TMEM79: variants seen among roughly 807,000 people sequenced by gnomAD.
The protein encoded by TMEM79 is transmembrane protein 79.
TMEM79 carries 30 observed loss-of-function variants against 31.2 expected under a neutral mutation model. That is an observed-to-expected ratio of 0.96 (90% CI 0.72 to 1.30). The LOEUF (loss-of-function observed/expected upper bound fraction) is 1.30, where lower values mean the gene tolerates loss of function less well. TMEM79 is among the 50% of genes most tolerant of loss of function. TMEM79 has a pLI of 0.00. For synonymous variants in TMEM79, 213 were observed against 229.5 expected (o/e 0.93, Z 0.65); for missense variants, 509 against 528.2 (o/e 0.96, Z 0.36).
Position 156,292,120 on chromosome 1 carries a change from T to G in TMEM79, c.*522T>G, listed in dbSNP as rs543272179. On this transcript the variant is annotated 3_prime_UTR_variant, in exon 4 of 4. Transcript: ENST00000405535. Reference sequence around the variant, plus strand: ...GGACTGTGGTGTTTGGTGAAAACCTTCCTGAGGATCTGGATTCAGGACCCT... The same window carrying G: ...GGACTGTGGTGTTTGGTGAAAACCTGCCTGAGGATCTGGATTCAGGACCCT... The G allele has an allele frequency of 1.1e-5, 2 of 188,938 alleles. No homozygotes were observed. The highest frequency in any genetic ancestry group is 2.2e-5 in the Non-Finnish European group (2 of 90,294). The allele number at this position is 188,938 out of a possible 1,614,324, so 11.7% of individuals were successfully genotyped here. A position where few individuals can be genotyped will look rare whatever the true frequency, so the allele number is the denominator to read the frequency against.
intron 3 of TMEM79, among the ~76,000 whole-genome samples, chr1:156,287,155 G>A (rs1295674369): frequency 1.3e-5 from 2 of 151,932 alleles, no homozygotes; most frequent in East Asian, 1.9e-4. Flanking sequence ...AGTGGCTCAC[G>A]CCTGTAATCC....
chr1:156,290,466 G>A (rs531814469), intron 3 of TMEM79: 1 of 151,006 alleles, frequency 6.6e-6, no homozygotes, highest in Non-Finnish European at 1.5e-5. Context: ...GTGGTGGGAG[G>A]ACTGCCTGAG....
At position 156,285,849 on chromosome 1, in the gene TMEM79, T is replaced by A; in HGVS notation, c.623T>A (p.Leu208His). 2 of 1,613,682 alleles carry A rather than the reference T, an allele frequency of 1.2e-6. No individual in the cohort carries two copies. Among genetic ancestry groups the A allele is most frequent in the Non-Finnish European group, 1.7e-6 (2 of 1,180,010 alleles). ...LRAVASVGAA[L>H]ILFPCLLYGA... ...GCTGTGGCCTCCGTGGGAGCCGCACTCATTCTCTTCCCTTGCCTACTATAC... is the reference window on the plus strand; with the variant it reads ...GCTGTGGCCTCCGTGGGAGCCGCACACATTCTCTTCCCTTGCCTACTATAC... The change falls in exon 2 of 4, where the codon CTC becomes CAC. Residue 208 changes from leucine to histidine, a missense_variant. By Grantham distance (99) the Leu-to-His change is moderately conservative (BLOSUM62 -3). Coordinates refer to ENST00000405535, the MANE Select transcript of TMEM79 (RefSeq NM_032323.3).
Position 156,285,252 on chromosome 1 carries a change from T to C in TMEM79, c.26T>C (p.Leu9Pro), listed in dbSNP as rs779757060. Reference sequence around the variant, plus strand: ...ATGACAGAACAGGAGACCCTGGCCCTACTGGAAGTGAAGAGGTCTGATTCC... The same window carrying C: ...ATGACAGAACAGGAGACCCTGGCCCCACTGGAAGTGAAGAGGTCTGATTCC... MTEQETLA[L>P]LEVKRSDSPE... is the part of the protein sequence containing the mutation. Residue 9 changes from leucine (L) to proline (P), a missense_variant, in exon 2 of 4, where the codon CTA becomes CCA. Leu to Pro is a moderately conservative substitution (Grantham distance 98, BLOSUM62 -3). Coordinates refer to ENST00000405535, the MANE Select transcript of TMEM79 (RefSeq NM_032323.3). The C allele has an allele frequency of 1.3e-6, 2 of 1,549,430 alleles. No individual in the cohort carries two copies. The highest frequency in any genetic ancestry group is 8.7e-7 in the Non-Finnish European group (1 of 1,152,674).
intron 3 of TMEM79, 141 bp from the exon 4 acceptor site, chr1:156,291,236 GTGCATAAA>G: frequency 3.1e-6 from 2 of 644,268 alleles, no homozygotes; most frequent in South Asian, 3.6e-5. Flanking sequence ...TACATGTTAA[GTGCATAAA>G]CTTTGGCTGT....
At position 156,285,510 on chromosome 1, in the gene TMEM79, G is replaced by A. The variant is rs372888007; in HGVS notation, c.284G>A (p.Arg95Gln). ...SAPFPDPPGW[R>Q]DIEPEPPESE... is the part of the protein sequence containing the mutation. Reference sequence around the variant, plus strand: ...CCGTTCCCGGATCCCCCTGGCTGGCGGGACATTGAACCAGAGCCCCCTGAG... The same window carrying A: ...CCGTTCCCGGATCCCCCTGGCTGGCAGGACATTGAACCAGAGCCCCCTGAG... The change falls in exon 2 of 4, where the codon CGG becomes CAG. Residue 95 changes from arginine to glutamine, a missense_variant. Physicochemically the swap from Arg to Gln is conservative, Grantham distance 43. Transcript: ENST00000405535. 7.4e-6 allele frequency: 12 copies of A among 1,614,022 alleles called. No homozygotes were observed. Among genetic ancestry groups the A allele is most frequent in the African/African-American group, 1.3e-5 (1 of 74,920 alleles).
At position 156,285,715 on chromosome 1, in the gene TMEM79, G is replaced by T; in HGVS notation, c.489G>T (p.Arg163=). ...EGECRTFMPP[R]VTHPDPTERK... is the part of the protein sequence containing the mutation. The stretch of plus-strand genomic sequence containing the variant: ...AGTGCCGAACCTTCATGCCCCCCCG[G>T]GTCACCCACCCCGACCCCACTGAGC... Residue 163 remains arginine, a synonymous_variant, in exon 2 of 4, where the codon CGG becomes CGT. Transcript: ENST00000405535. 2 of 1,613,246 alleles carry T rather than the reference G, an allele frequency of 1.2e-6. No individual in the cohort carries two copies. Among genetic ancestry groups the T allele is most frequent in the Non-Finnish European group, 1.7e-6 (2 of 1,180,016 alleles).
chr1:156,291,628 G>T lies in TMEM79; in HGVS notation c.*30G>T. 6.2e-7 allele frequency: 1 copy of T among 1,601,518 alleles called. No homozygotes were observed. The stretch of plus-strand genomic sequence containing the variant: ...CTCCGCCCTCGCCCTCGGAGTAGGG[G>T]GTAGCGGCTTGGGTCTGACACATCT... On this transcript the variant is annotated 3_prime_UTR_variant, in exon 4 of 4. Transcript: ENST00000405535.
chr1:156,286,052 G>A lies in TMEM79; in HGVS notation c.757+69G>A, dbSNP rs1663150656. 8 of 1,538,184 alleles carry A rather than the reference G, an allele frequency of 5.2e-6. No individual in the cohort carries two copies. In the Admixed American group the frequency reaches 9.5e-5, roughly 18 times the overall value. On this transcript the variant is annotated intron_variant, in intron 2 of 3. Coordinates refer to ENST00000405535, the MANE Select transcript of TMEM79 (RefSeq NM_032323.3). ...GGAGGGCAGGGCCTGGCTGGTGTGG[G>A]GAGCAGGAGGATTTCCCTTCACTTG...
rs1004379749 is a variant in TMEM79 at position 156,285,526 on chromosome 1, G to A, written c.300G>A (p.Glu100=). Residue 100 remains glutamate, a synonymous_variant, in exon 2 of 4, where the codon GAG becomes GAA. Coordinates refer to ENST00000405535, the MANE Select transcript of TMEM79 (RefSeq NM_032323.3). ...DPPGWRDIEP[E]PPESEPLTKL... ...CTGGCTGGCGGGACATTGAACCAGA[G>A]CCCCCTGAGTCAGAACCACTTACCA... The A allele has an allele frequency of 1.2e-6, 2 of 1,614,082 alleles. No individual in the cohort carries two copies. Among genetic ancestry groups the A allele is most frequent in the Non-Finnish European group, 1.7e-6 (2 of 1,180,054 alleles).
intron 1 of TMEM79, 83 bp from the exon 2 acceptor site, chr1:156,285,101 C>T: frequency 1.6e-6 from 2 of 1,256,538 alleles, no homozygotes; most frequent in Non-Finnish European, 2.1e-6. Flanking sequence ...AGCCAGTTGC[C>T]CTGGAGAGTA....
At chr1:156,287,637 A>T (rs1371213125) in intron 3 of TMEM79, among the ~76,000 whole-genome samples, 1 of 118,058 alleles carries the variant, frequency 8.5e-6, no homozygotes. Flanking sequence ...TTTTTGAGAC[A>T]GTGTTTCACT....
chr1:156,286,557 A>G (rs1663169975), intron 3 of TMEM79, 84 bp downstream of exon 3: 2 of 1,431,432 alleles, frequency 1.4e-6, no homozygotes, highest in East Asian at 4.5e-5. Flanking sequence ...AGCCAGGGTC[A>G]GGAGCTTTCC....
chr1:156,286,147 C>A (rs1663152591), intron 2 of TMEM79, 113 bp from the exon 3 acceptor site: 1 of 1,367,136 alleles, frequency 7.3e-7, no homozygotes, highest in Non-Finnish European at 1.0e-6. Context: ...ACCACCTCCA[C>A]CCCACTGTGT....
chr1:156,288,084 G>C (rs1310649862), intron 3 of TMEM79, among the ~76,000 whole-genome samples: 3 of 151,564 alleles, frequency 2.0e-5, no homozygotes, highest in African/African-American at 7.3e-5. Flanking sequence ...GTGCGGTGGC[G>C]AGCGCCTACA....
intron 3 of TMEM79, 36 bp from the exon 4 acceptor site, chr1:156,291,349 C>A: frequency 1.2e-6 from 2 of 1,602,602 alleles, no homozygotes; most frequent in Non-Finnish European, 1.7e-6. Flanking sequence ...ACGCGCTTCC[C>A]TCGAGAGTAG....
In TMEM79 at chr1:156,291,177, A is replaced by G. The variant is rs1663314847; in HGVS notation, c.972-208A>G. On this transcript the variant is annotated intron_variant, in intron 3 of 3. Transcript: ENST00000405535. ...GAATAACATACTCAACTTCATAAAGATGTGGGGAAGTCAAATCAATCACTT... is the reference window on the plus strand; with the variant it reads ...GAATAACATACTCAACTTCATAAAGGTGTGGGGAAGTCAAATCAATCACTT... 3 of 572,138 alleles carry G rather than the reference A, an allele frequency of 5.2e-6. No individual in the cohort carries two copies. In the Admixed American group the frequency reaches 9.2e-5, roughly 17 times the overall value. The allele number at this position is 572,138 out of a possible 1,614,324, so 35.4% of individuals were successfully genotyped here. A position where few individuals can be genotyped will look rare whatever the true frequency, so the allele number is the denominator to read the frequency against.
Position 156,286,409 on chromosome 1 carries a change from A to G in TMEM79, c.907A>G (p.Thr303Ala). The change falls in exon 3 of 4, where the codon ACT becomes GCT. Residue 303 changes from threonine (T) to alanine (A), a missense_variant. Coordinates refer to ENST00000405535, the MANE Select transcript of TMEM79 (RefSeq NM_032323.3). ...CTTCTTCAACCTGGCCGTGCTTTCC[A>G]CTTACCTGCCCCAGGATACCCTCAA... ...LYFFNLAVLS[T>A]YLPQDTLKLL... is the part of the protein sequence containing the mutation. 6.2e-7 allele frequency: 1 copy of G among 1,614,062 alleles called. No individual in the cohort carries two copies. Among genetic ancestry groups the G allele is most frequent in the Middle Eastern group, 1.6e-4 (1 of 6,062 alleles).
At chr1:156,289,591 G>A (rs1290661861) in intron 3 of TMEM79, among the ~76,000 whole-genome samples, 5 of 152,162 alleles carry the variant, frequency 3.3e-5, no homozygotes, top group Non-Finnish European at 1.5e-5. Flanking sequence ...CAGCCTGGGC[G>A]ACAGAGCGAG....
Sources: gnomAD v4.1 joint callset for allele counts (sites outside exome capture counted in the v4.1 genomes callset) on GRCh38, gnomAD v4.1.1 for gene constraint, MANE v1.5 for transcripts, NCBI Gene and HGNC (gene_info 2026-07-23, HGNC 2026-07-21) for gene names.